Variants in SEC14L1 observed in about 807,000 individuals in gnomAD.
The protein encoded by SEC14L1 is SEC14 like lipid binding 1, also known as SEC14-like protein 1.
A neutral mutation model predicts 85.3 loss-of-function variants in SEC14L1; 48 were observed. The observed-to-expected ratio is 0.56, with a 90% CI of 0.45 to 0.72. The LOEUF (loss-of-function observed/expected upper bound fraction) is 0.72, where lower values mean the gene tolerates loss of function less well. Among genes scored for constraint, SEC14L1 ranks in the 30% least tolerant of loss-of-function variants. The probability of loss-of-function intolerance (pLI) is 0.00; values close to 1 mark genes in which losing one functional copy is unlikely to be tolerated. For synonymous variants in SEC14L1, 391 were observed against 355.5 expected (o/e 1.10, Z -1.12); for missense variants, 682 against 921.4 (o/e 0.74, Z 3.36).
chr17:77,201,069 G>A (rs1383258638), intron 9 of SEC14L1, among the ~76,000 whole-genome samples: 1 of 152,208 alleles, frequency 6.6e-6, no homozygotes, highest in Non-Finnish European at 1.5e-5. Flanking sequence ...GCTTAAAACG[G>A]TTCAGCCCGG....
intron 3 of SEC14L1, among the ~76,000 whole-genome samples, chr17:77,130,837 C>T (rs568149190): frequency 6.6e-6 from 1 of 152,128 alleles, no homozygotes; most frequent in Admixed American, 6.5e-5. Context: ...AATTCCTGGG[C>T]TCAAGGGATC....
intron 3 of SEC14L1, among the ~76,000 whole-genome samples, chr17:77,147,966 A>G (rs906407448): frequency 6.6e-6 from 1 of 152,196 alleles, no homozygotes; most frequent in African/African-American, 2.4e-5. Context: ...ATTGTGCCTT[A>G]AAGGGTTTAA....
chr17:77,190,396 G>C (rs1336023372), intron 3 of SEC14L1, among the ~76,000 whole-genome samples: 1 of 152,080 alleles, frequency 6.6e-6, no homozygotes, highest in East Asian at 1.9e-4. Flanking sequence ...CCTAATACTA[G>C]ATGGTCTTGA....
chr17:77,125,014 A>G (rs1972405067), intron 3 of SEC14L1, among the ~76,000 whole-genome samples: 2 of 145,262 alleles, frequency 1.4e-5, no homozygotes, highest in Admixed American at 6.9e-5. Context: ...TTATTATTAT[A>G]TATTTTTTGA....
intron 3 of SEC14L1, among the ~76,000 whole-genome samples, chr17:77,154,345 A>G (rs143290482): frequency 1.9e-3 from 290 of 152,284 alleles, no homozygotes; most frequent in Non-Finnish European, 3.3e-3. Flanking sequence ...GTGGTGGCGC[A>G]TGCCCGTAGT....
chr17:77,180,784 CCTGA>C (rs1974998514), intron 3 of SEC14L1, among the ~76,000 whole-genome samples: 1 of 152,164 alleles, frequency 6.6e-6, no homozygotes, highest in South Asian at 2.1e-4. Context: ...CTGCTGGGAT[CCTGA>C]CTTTTCTTTG....
intron 3 of SEC14L1, among the ~76,000 whole-genome samples, chr17:77,153,520 A>T (rs1323325952): frequency 6.6e-6 from 1 of 152,184 alleles, no homozygotes; most frequent in Non-Finnish European, 1.5e-5. Context: ...CATTCTATTT[A>T]TGGTTACTCC....
At chr17:77,099,426 C>T (rs958072441) in intron 3 of SEC14L1, among the ~76,000 whole-genome samples, 2 of 152,130 alleles carry the variant, frequency 1.3e-5, no homozygotes, top group African/African-American at 2.4e-5. Context: ...GAGTTATGGA[C>T]GAAGCCCCCC....
chr17:77,090,754 C>T (rs767106975), intron 2 of SEC14L1, among the ~76,000 whole-genome samples: 8 of 152,176 alleles, frequency 5.3e-5, no homozygotes, highest in Non-Finnish European at 8.8e-5. Flanking sequence ...CTTTTGGAGG[C>T]TGAGGCTGGA....
At chr17:77,155,828 C>G (rs117814064) in intron 3 of SEC14L1, among the ~76,000 whole-genome samples, 8,020 of 152,264 alleles carry the variant, frequency 0.053, 322 homozygotes, top group Admixed American at 0.11. Flanking sequence ...CTCCGCCTCT[C>G]TCCTGCCTCA....
intron 3 of SEC14L1, among the ~76,000 whole-genome samples, chr17:77,174,519 T>C (rs1308902298): frequency 1.3e-5 from 2 of 152,218 alleles, no homozygotes; most frequent in African/African-American, 4.8e-5. Flanking sequence ...TGTTTTTTCT[T>C]AACCTTTGTC....
At chr17:77,110,683 A>G (rs528262660) in intron 3 of SEC14L1, among the ~76,000 whole-genome samples, 3 of 151,094 alleles carry the variant, frequency 2.0e-5, no homozygotes, top group African/African-American at 7.3e-5. Flanking sequence ...GATTGAGACC[A>G]TCCTGGCTAA....
intron 3 of SEC14L1, among the ~76,000 whole-genome samples, chr17:77,131,288 A>G (rs1430946096): frequency 1.3e-5 from 2 of 151,910 alleles, no homozygotes; most frequent in African/African-American, 4.8e-5. Context: ...TCTTTTTTTG[A>G]GATGGAGTTT....
intron 3 of SEC14L1, among the ~76,000 whole-genome samples, chr17:77,121,886 A>G (rs1437506803): frequency 6.6e-6 from 1 of 152,134 alleles, no homozygotes; most frequent in Non-Finnish European, 1.5e-5. Flanking sequence ...TCCTTTCCCC[A>G]TTCTTTCTGC....
At chr17:77,185,677 G>A (rs1598362082) in intron 3 of SEC14L1, among the ~76,000 whole-genome samples, 1 of 152,150 alleles carries the variant, frequency 6.6e-6, no homozygotes, top group African/African-American at 2.4e-5. Context: ...GTACTGGAAT[G>A]TACAAAGCCA....
In SEC14L1 at chr17:77,174,657, C is replaced by G. The variant is rs543701072; in HGVS notation, c.64-16146C>G. 2.6e-5 allele frequency among the ~76,000 whole-genome samples: 4 copies of G among 152,270 alleles called. No homozygotes were observed. In the South Asian group the frequency reaches 8.3e-4, roughly 32 times the overall value. On this transcript the variant is annotated intron_variant, in intron 3 of 16. Coordinates refer to ENST00000436233, the MANE Select transcript of SEC14L1 (RefSeq NM_001143998.2). Reference sequence around the variant, plus strand: ...AACCCTTGAGGCCACCACAACGAGGCAGTGGGACCTGTCTCCTCACGAGTG... The same window carrying G: ...AACCCTTGAGGCCACCACAACGAGGGAGTGGGACCTGTCTCCTCACGAGTG...
In SEC14L1 at chr17:77,214,761, A is replaced by G; in HGVS notation, c.*738A>G. ...ACTTTTTAGAGCAGGATTTTTCTGT[A>G]TGTGAACTTGGGTGGGGGGGTTCTT... is the stretch of plus-strand genomic sequence containing the variant. On this transcript the variant is annotated 3_prime_UTR_variant, in exon 17 of 17. Transcript: ENST00000436233. 1.0e-6 allele frequency: 1 copy of G among 985,438 alleles called. No individual in the cohort carries two copies. Among genetic ancestry groups the G allele is most frequent in the South Asian group, 4.7e-5 (1 of 21,288 alleles). The allele number at this position is 985,438 out of a possible 1,614,324, so 61.0% of individuals were successfully genotyped here.
At chr17:77,102,310 A>G (rs1289087172) in intron 3 of SEC14L1, among the ~76,000 whole-genome samples, 1 of 152,128 alleles carries the variant, frequency 6.6e-6, no homozygotes, top group Middle Eastern at 3.2e-3. Flanking sequence ...GAAAACAGTT[A>G]TCTTCCTTGA....
chr17:77,154,203 G>C (rs1216365142), intron 3 of SEC14L1, among the ~76,000 whole-genome samples: 1 of 152,220 alleles, frequency 6.6e-6, no homozygotes, highest in African/African-American at 2.4e-5. Flanking sequence ...GGGTGTGGTG[G>C]CTCACATCTG....
Sources: gnomAD v4.1 joint callset for allele counts (sites outside exome capture counted in the v4.1 genomes callset) on GRCh38, gnomAD v4.1.1 for gene constraint, MANE v1.5 for transcripts, NCBI Gene and HGNC (gene_info 2026-07-23, HGNC 2026-07-21) for gene names.